NCAM2: variants seen among roughly 807,000 people sequenced by gnomAD.
NCAM2 encodes neural cell adhesion molecule 2.
A neutral mutation model predicts 98.1 loss-of-function variants in NCAM2; 30 were observed. The ratio of observed to expected loss-of-function variants is 0.31; its 90% CI spans 0.23 to 0.41. NCAM2 has a LOEUF of 0.41. Among genes scored for constraint, NCAM2 ranks in the 10% least tolerant of loss-of-function variants. NCAM2 has a pLI of 1.00. For missense variants in NCAM2, 867 were observed against 1,005.8 expected (o/e 0.86, Z 1.87); for synonymous variants, 368 against 342.4 (o/e 1.07, Z -0.83).
At chr21:21,320,314 G>T (rs1288910491) in intron 5 of NCAM2, among the ~76,000 whole-genome samples, 1 of 152,122 alleles carries the variant, frequency 6.6e-6, no homozygotes, top group Non-Finnish European at 1.5e-5. Context: ...TTAGTTTATA[G>T]TAATCAGGAA....
intron 16 of NCAM2, among the ~76,000 whole-genome samples, chr21:21,524,841 A>T (rs1427854184): frequency 6.6e-6 from 1 of 152,184 alleles, no homozygotes; most frequent in Non-Finnish European, 1.5e-5. Context: ...GAATTATACT[A>T]CAAATAAATA....
intron 1 of NCAM2, among the ~76,000 whole-genome samples, chr21:21,043,924 A>G (rs2064958701): frequency 6.6e-6 from 1 of 152,082 alleles, no homozygotes; most frequent in African/African-American, 2.4e-5. Flanking sequence ...TAATTTAAAA[A>G]TGTAGATTAT....
At chr21:21,192,945 A>G (rs2068873703) in intron 1 of NCAM2, among the ~76,000 whole-genome samples, 1 of 152,204 alleles carries the variant, frequency 6.6e-6, no homozygotes, top group Non-Finnish European at 1.5e-5. Context: ...GATAGACTAG[A>G]CACAGGCACA....
chr21:21,193,492 CTTTTTTTTTTTT>C (rs768928139), intron 1 of NCAM2, among the ~76,000 whole-genome samples: 4 of 123,790 alleles, frequency 3.2e-5, no homozygotes, highest in African/African-American at 6.1e-5. Context: ...AGTACTTTTC[CTTTTTTTTTTTT>C]TTTTTTTTTT....
intron 12 of NCAM2, among the ~76,000 whole-genome samples, chr21:21,466,322 A>T (rs1027086551): frequency 2.6e-5 from 4 of 152,004 alleles, no homozygotes; most frequent in African/African-American, 9.7e-5. Flanking sequence ...GATATTAAAA[A>T]GATTTAACTT....
rs903529096 is a variant in NCAM2, at chr21:21,165,697, G to A, written c.56-114881G>A. Among the ~76,000 whole-genome samples the A allele has an allele frequency of 6.6e-5, 10 of 152,134 alleles. No homozygotes were observed. In the East Asian group the frequency reaches 1.4e-3, roughly 21 times the overall value. On this transcript the variant is annotated intron_variant, in intron 1 of 17. Coordinates refer to ENST00000400546, the MANE Select transcript of NCAM2 (RefSeq NM_004540.5). ...CAATAAAACTATCATATTTTCCTGA[G>A]CATTTATATTTATTATAACATTTAT...
At chr21:21,399,509 C>G (rs2076583478) in intron 9 of NCAM2, among the ~76,000 whole-genome samples, 1 of 152,184 alleles carries the variant, frequency 6.6e-6, no homozygotes, top group African/African-American at 2.4e-5. Flanking sequence ...ATCTACAATA[C>G]AATCATAATA....
At chr21:21,233,963 G>A (rs1036549041) in intron 1 of NCAM2, among the ~76,000 whole-genome samples, 4 of 151,648 alleles carry the variant, frequency 2.6e-5, no homozygotes, top group Admixed American at 6.6e-5. Flanking sequence ...TGGAGAGTCC[G>A]TTTATCAGTA....
At chr21:21,498,865 A>G (rs1987432630) in intron 15 of NCAM2, among the ~76,000 whole-genome samples, 1 of 152,196 alleles carries the variant, frequency 6.6e-6, no homozygotes, top group Admixed American at 6.5e-5. Flanking sequence ...AAACGTAATA[A>G]TGTACTAGGG....
chr21:21,089,982 C>T (rs894097801), intron 1 of NCAM2, among the ~76,000 whole-genome samples: 1 of 152,058 alleles, frequency 6.6e-6, no homozygotes, highest in Non-Finnish European at 1.5e-5. Context: ...ACACCAACAA[C>T]AAATAGGTAG....
chr21:21,164,618 C>T (rs2155797), intron 1 of NCAM2, among the ~76,000 whole-genome samples: 80,864 of 151,990 alleles, frequency 0.53, 21,587 homozygotes, highest in South Asian at 0.6. Context: ...TAAAACCAAA[C>T]GAGGCAATTA....
At chr21:21,243,027 T>C (rs1174860555) in intron 1 of NCAM2, among the ~76,000 whole-genome samples, 1 of 9,212 alleles carries the variant, frequency 1.1e-4, no homozygotes, top group Non-Finnish European at 2.0e-4. Context: ...AACTTTCAGC[T>C]AAGGTTTCAT....
At chr21:21,495,235 C>A (rs1303821689) in intron 15 of NCAM2, among the ~76,000 whole-genome samples, 1 of 151,764 alleles carries the variant, frequency 6.6e-6, no homozygotes. Flanking sequence ...TATTTAGTTT[C>A]TATTTTTAAA....
intron 16 of NCAM2, among the ~76,000 whole-genome samples, chr21:21,525,861 C>A (rs1989293494): frequency 6.6e-6 from 1 of 151,958 alleles, no homozygotes. Flanking sequence ...GTTAAAAAAT[C>A]AATGTAAATC....
intron 1 of NCAM2, among the ~76,000 whole-genome samples, chr21:21,227,751 A>G (rs923900989): frequency 1.3e-4 from 20 of 151,830 alleles, no homozygotes; most frequent in African/African-American, 4.3e-4. Context: ...AATAATTGAT[A>G]GAAAATTGGC....
chr21:21,352,159 C>G (rs765492265), intron 8 of NCAM2, among the ~76,000 whole-genome samples: 6 of 151,870 alleles, frequency 4.0e-5, no homozygotes, highest in Non-Finnish European at 7.4e-5. Flanking sequence ...TTCAGCCCCC[C>G]AGTCTCAAGC....
chr21:21,274,430 G>A (rs2072644617), intron 1 of NCAM2, among the ~76,000 whole-genome samples: 1 of 152,128 alleles, frequency 6.6e-6, no homozygotes, highest in South Asian at 2.1e-4. Context: ...TCTCCTAAGT[G>A]ATCCAAAATT....
intron 16 of NCAM2, among the ~76,000 whole-genome samples, chr21:21,532,952 T>A (rs1989788541): frequency 6.6e-6 from 1 of 152,070 alleles, no homozygotes; most frequent in Non-Finnish European, 1.5e-5. Flanking sequence ...AAAAGTTTAT[T>A]CACTTCTAGA....
intron 8 of NCAM2, among the ~76,000 whole-genome samples, chr21:21,342,847 A>G (rs778336703): frequency 2.4e-4 from 36 of 152,142 alleles, no homozygotes; most frequent in Non-Finnish European, 1.2e-4. Flanking sequence ...CTTAAGTCCA[A>G]TCATTTTCCC....
Sources: allele counts gnomAD v4.1 joint callset (sites outside exome capture counted in the v4.1 genomes callset), GRCh38; gene constraint gnomAD v4.1.1; transcripts MANE v1.5; gene names NCBI Gene and HGNC (gene_info 2026-07-23, HGNC 2026-07-21).